AKNA: variants seen among roughly 807,000 people sequenced by gnomAD.
The protein encoded by AKNA is microtubule organization protein AKNA.
AKNA carries 67 observed loss-of-function variants against 138.8 expected under a neutral mutation model. That is an observed-to-expected ratio of 0.48 (90% CI 0.40 to 0.59). The LOEUF (loss-of-function observed/expected upper bound fraction) is 0.59, where lower values mean the gene tolerates loss of function less well. Among genes scored for constraint, AKNA ranks in the 20% least tolerant of loss-of-function variants. The probability of loss-of-function intolerance (pLI) is 0.00; values close to 1 mark genes in which losing one functional copy is unlikely to be tolerated. For synonymous variants in AKNA, 737 were observed against 754.4 expected (o/e 0.98, Z 0.38); for missense variants, 1,813 against 1,880.4 (o/e 0.96, Z 0.66).
At position 114,337,012 on chromosome 9, in the gene AKNA, T is replaced by TGGGGGGGGGGGGGGGC; in HGVS notation, c.*41_*42insGCCCCCCCCCCCCCCC. On this transcript the variant is annotated 3_prime_UTR_variant, in exon 22 of 22. Coordinates refer to ENST00000374088, the MANE Select transcript of AKNA (RefSeq NM_001317950.2). ...CCCACTCCTGGCCTGGCAGGCCACC[T>TGGGGGGGGGGGGGGGC]GCCCACCCACCCACCCATCTGCCTC... 3 of 1,208,222 alleles carry TGGGGGGGGGGGGGGGC rather than the reference T, an allele frequency of 2.5e-6. No homozygotes were observed. The highest frequency in any genetic ancestry group is 3.2e-6 in the Non-Finnish European group (3 of 929,348). 74.8% of individuals were successfully genotyped at this position (1,208,222 alleles called of 1,614,324 possible).
At chr9:114,372,738 G>T (rs1034115621) in intron 4 of AKNA, among the ~76,000 whole-genome samples, 20 of 152,150 alleles carry the variant, frequency 1.3e-4, no homozygotes, top group African/African-American at 3.4e-4. Context: ...TGCAGCCATG[G>T]GAATGTGGTT....
At chr9:114,353,652 A>G (rs1831288122) in intron 14 of AKNA, among the ~76,000 whole-genome samples, 4 of 152,232 alleles carry the variant, frequency 2.6e-5, no homozygotes, top group Admixed American at 2.6e-4. Flanking sequence ...ACCATGTCAC[A>G]AACATCATAG....
At chr9:114,391,922 G>A (rs1236713611), upstream of AKNA, among the ~76,000 whole-genome samples, 1 of 150,228 alleles carries the variant, frequency 6.7e-6, no homozygotes, top group Non-Finnish European at 1.5e-5. Flanking sequence ...CTACTGCCAG[G>A]GCTTGATGAC....
chr9:114,361,105 C>T (rs116516222), intron 9 of AKNA, among the ~76,000 whole-genome samples: 1,879 of 152,294 alleles, frequency 0.012, 29 homozygotes, highest in African/African-American at 0.043. Context: ...ATGTCATCCC[C>T]TGCCAGAAAA....
At position 114,357,906 on chromosome 9, in the gene AKNA, C is replaced by A. The variant is rs371628154; in HGVS notation, c.2739+15G>T. The A allele has an allele frequency of 6.9e-6, 11 of 1,595,370 alleles. No individual in the cohort carries two copies. Among genetic ancestry groups the A allele is most frequent in the African/African-American group, 5.5e-5 (4 of 73,394 alleles). ...CCCTGAGGTTCTGGGCCCATTCCCC[C>A]ATGTGGAGACTTACCTCCAGGTGGG... On this transcript the variant is annotated intron_variant, in intron 12 of 21. Coordinates refer to ENST00000374088, the MANE Select transcript of AKNA (RefSeq NM_001317950.2).
In AKNA at chr9:114,341,700, T is replaced by C. The variant is rs755577340; in HGVS notation, c.3900A>G (p.Arg1300=). ...TSGAEKATTR[R]KASSTPSPKQ... The stretch of plus-strand genomic sequence containing the variant: ...TGGGGCTGGGAGTTGAAGATGCTTT[T>C]CTCCTCGTGGTGGCCTTCTCTGCCC... The change falls in exon 21 of 22, where the codon AGA becomes AGG. Residue 1300 remains arginine (R), a synonymous_variant. Coordinates refer to ENST00000374088, the MANE Select transcript of AKNA (RefSeq NM_001317950.2). The C allele has an allele frequency of 2.5e-6, 4 of 1,586,138 alleles. No homozygotes were observed. In the South Asian group the frequency reaches 4.6e-5, roughly 18 times the overall value.
At chr9:114,371,544 T>C (rs1004078196) in intron 4 of AKNA, among the ~76,000 whole-genome samples, 1 of 152,200 alleles carries the variant, frequency 6.6e-6, no homozygotes, top group African/African-American at 2.4e-5. Context: ...ATCAGGGAGA[T>C]GTAGGTTTCA....
At chr9:114,349,783 T>C (rs1253888465) in intron 15 of AKNA, among the ~76,000 whole-genome samples, 1 of 152,160 alleles carries the variant, frequency 6.6e-6, no homozygotes, top group African/African-American at 2.4e-5. Context: ...CCCCTCACAC[T>C]AGAGGATCTG....
At chr9:114,348,602 G>A (rs2131833053) in intron 15 of AKNA, among the ~76,000 whole-genome samples, 1 of 152,292 alleles carries the variant, frequency 6.6e-6, no homozygotes, top group Admixed American at 6.5e-5. Flanking sequence ...AGTAAATCCT[G>A]GTGAAACCCC....
intron 14 of AKNA, among the ~76,000 whole-genome samples, chr9:114,353,384 C>T (rs896077655): frequency 7.9e-5 from 12 of 152,108 alleles, no homozygotes; most frequent in Admixed American, 3.3e-4. Context: ...CTGCCTCAGC[C>T]TCCTGAGTAG....
downstream of AKNA, chr9:114,331,494 G>A (rs1588925628): frequency 8.0e-7 from 1 of 1,242,572 alleles, no homozygotes; most frequent in Non-Finnish European, 1.2e-6. Context: ...ACACACCTAG[G>A]ACTCCTCACC....
downstream of AKNA, chr9:114,331,701 C>G: frequency 6.2e-7 from 1 of 1,602,192 alleles, no homozygotes; most frequent in Non-Finnish European, 8.5e-7. Flanking sequence ...GCCCCAAACT[C>G]ATGCCCCTCT....
chr9:114,346,559 A>G (rs1422708544), intron 17 of AKNA, 110 bp downstream of exon 17: 2 of 839,578 alleles, frequency 2.4e-6, no homozygotes, highest in Non-Finnish European at 3.7e-6. Context: ...CAGATGCACA[A>G]AAACCCTTCT....
In AKNA at chr9:114,367,708, C is replaced by T. The variant is rs781172222; in HGVS notation, c.1574-11G>A. On this transcript the variant is annotated splice_polypyrimidine_tract_variant and intron_variant, in intron 5 of 21. Transcript: ENST00000374088. ...GAGCTGATGGCCACCCTGGAATACA[C>T]AACTGCTGAAAGCTGGGGCCAAGAA... 7.8e-6 allele frequency: 12 copies of T among 1,545,532 alleles called. 1 individual carries two copies. The Middle Eastern group carries it at 1.7e-3, about 225-fold the overall frequency.
intron 15 of AKNA, among the ~76,000 whole-genome samples, chr9:114,350,411 C>T (rs139239410): frequency 1.1e-4 from 16 of 152,162 alleles, no homozygotes; most frequent in Admixed American, 8.5e-4. Flanking sequence ...ACTGACCAAG[C>T]GATTTTACCA....
chr9:114,351,505 G>A (rs1242796319), intron 14 of AKNA, among the ~76,000 whole-genome samples: 1 of 151,992 alleles, frequency 6.6e-6, no homozygotes, highest in Non-Finnish European at 1.5e-5. Context: ...CCACTAATCC[G>A]TCCCCTGCAT....
intron 15 of AKNA, 63 bp from the exon 16 acceptor site, chr9:114,347,963 C>T (rs1830814240): frequency 4.6e-6 from 7 of 1,513,994 alleles, no homozygotes; most frequent in South Asian, 2.5e-5. Flanking sequence ...TGCAGCCACC[C>T]GAGTATGCCA....
intron 8 of AKNA, 56 bp downstream of exon 8, chr9:114,362,350 G>T: frequency 6.5e-7 from 1 of 1,547,600 alleles, no homozygotes; most frequent in Non-Finnish European, 8.7e-7. Flanking sequence ...TGGAGACTGA[G>T]GGACCCCAGG....
chr9:114,332,800 A>G (rs1351487884), downstream of AKNA, among the ~76,000 whole-genome samples: 1 of 152,210 alleles, frequency 6.6e-6, no homozygotes. Flanking sequence ...GAGCTGCAGC[A>G]TAAGGGCCCT....
Sources: allele counts gnomAD v4.1 joint callset (sites outside exome capture counted in the v4.1 genomes callset), GRCh38; gene constraint gnomAD v4.1.1; transcripts MANE v1.5; gene names NCBI Gene and HGNC (gene_info 2026-07-23, HGNC 2026-07-21).